IL1RAPL2: variants seen among roughly 807,000 people sequenced by gnomAD.
IL1RAPL2 encodes the protein interleukin 1 receptor accessory protein like 2.
A neutral mutation model predicts 44.1 loss-of-function variants in IL1RAPL2; 3 were observed. The ratio of observed to expected loss-of-function variants is 0.07; its 90% confidence interval spans 0.03 to 0.18. The LOEUF (loss-of-function observed/expected upper bound fraction) is 0.18, where lower values mean the gene tolerates loss of function less well. Among genes scored for constraint, IL1RAPL2 ranks in the 10% least tolerant of loss-of-function variants. IL1RAPL2 has a pLI of 1.00. For missense variants in IL1RAPL2, 391 were observed against 496.4 expected, an observed-to-expected ratio of 0.79 and a Z score of 2.02; for synonymous variants, 181 against 178.8, an observed-to-expected ratio of 1.01 and a Z score of -0.10.
chrX:104,789,650 A>G (rs1307213237), intron 2 of IL1RAPL2, among the ~76,000 whole-genome samples: 5 of 112,318 alleles, frequency 4.5e-5, no homozygotes, highest in Non-Finnish European at 7.5e-5. Context: ...ACCATAAGGG[A>G]GAAATATGCC....
At chrX:105,666,705 C>A (rs2037772953) in intron 6 of IL1RAPL2, among the ~76,000 whole-genome samples, 1 of 111,729 alleles carries the variant, frequency 9.0e-6, no homozygotes, top group African/African-American at 3.3e-5. Flanking sequence ...TGCCTTAACC[C>A]TAAAGAAGCC....
intron 1 of IL1RAPL2, among the ~76,000 whole-genome samples, chrX:104,576,419 G>A (rs981796451): frequency 8.9e-6 from 1 of 111,967 alleles, no homozygotes; most frequent in African/African-American, 3.2e-5. Flanking sequence ...TAAAGCTTCA[G>A]ATGGAGCCAT....
At position 104,861,728 on chromosome X, in the gene IL1RAPL2, A is replaced by C. The variant is rs982518450; in HGVS notation, c.82+202733A>C. ...TAGTATTTGCATATAACCCATGTAT[A>C]TCTCCCTGTGTACTTTAAGTCATCT... On this transcript the variant is annotated intron_variant, in intron 2 of 10. Transcript: ENST00000372582. Among the ~76,000 whole-genome samples, 44 of 111,820 alleles carry C rather than the reference A, an allele frequency of 3.9e-4. 1 individual carries two copies. Among genetic ancestry groups the C allele is most frequent in the Admixed American group, 3.7e-3 (39 of 10,512 alleles).
chrX:105,494,898 C>CGG (rs1224807969), intron 6 of IL1RAPL2, among the ~76,000 whole-genome samples: 3 of 111,852 alleles, frequency 2.7e-5, no homozygotes, highest in Non-Finnish European at 3.8e-5. Context: ...AAAAAATACT[C>CGG]AGAGATCTGT....
At chrX:105,420,453 C>A (rs988230218) in intron 5 of IL1RAPL2, among the ~76,000 whole-genome samples, 1 of 111,690 alleles carries the variant, frequency 9.0e-6, no homozygotes, top group African/African-American at 3.3e-5. Flanking sequence ...AAACTTCTCC[C>A]CAATATTGTG....
chrX:105,261,030 G>GTA lies in IL1RAPL2; in HGVS notation c.544-6353_544-6352dup, dbSNP rs1217863113. Among the ~76,000 whole-genome samples, 39 of 111,414 alleles carry GTA rather than the reference G, an allele frequency of 3.5e-4. 1 individual carries two copies. Among genetic ancestry groups the GTA allele is most frequent in the African/African-American group, 1.3e-3 (38 of 30,357 alleles). On this transcript the variant is annotated intron_variant, in intron 4 of 10. Coordinates refer to ENST00000372582, the MANE Select transcript of IL1RAPL2 (RefSeq NM_017416.2). ...CAGCTACCCTTTCTGGAAAGCCCAA[G>GTA]TATATAAGACTCCAGGGTCTCCTCA... is the stretch of plus-strand genomic sequence containing the variant.
rs752207171 is a variant in IL1RAPL2, at chrX:104,886,007, CA to C, written c.82+227013del. ...TCACTGAGGCCTGGGTATGTTTAACCATTGAGGGCCAGGAAATTGACTTCCT... is the reference window on the plus strand; with the variant it reads ...TCACTGAGGCCTGGGTATGTTTAACCTTGAGGGCCAGGAAATTGACTTCCT... On this transcript the variant is annotated intron_variant, in intron 2 of 10. Coordinates refer to ENST00000372582, the MANE Select transcript of IL1RAPL2 (RefSeq NM_017416.2). Among the ~76,000 whole-genome samples, 3 of 112,606 alleles carry C rather than the reference CA, an allele frequency of 2.7e-5. No individual in the cohort carries two copies. The Admixed American group carries it at 2.8e-4, about 11-fold the overall frequency.
rs780080992 is a variant in IL1RAPL2, at chrX:104,929,025, T to C, written c.83-266450T>C. ...GGTATGTCAGGAAAAGATAATTTGT[T>C]CTTAAAATTTTACTAGAAAGAAAAG... On this transcript the variant is annotated intron_variant, in intron 2 of 10. Coordinates refer to ENST00000372582, the MANE Select transcript of IL1RAPL2 (RefSeq NM_017416.2). 2.7e-4 allele frequency among the ~76,000 whole-genome samples: 30 copies of C among 111,894 alleles called. No individual in the cohort carries two copies. The South Asian group carries it at 0.011, about 42-fold the overall frequency.
intron 2 of IL1RAPL2, among the ~76,000 whole-genome samples, chrX:104,748,869 C>T (rs1236574802): frequency 1.8e-5 from 2 of 111,275 alleles, no homozygotes; most frequent in East Asian, 5.7e-4. Context: ...GTGGCTTATT[C>T]AGCAGTGATT....
intron 4 of IL1RAPL2, among the ~76,000 whole-genome samples, chrX:105,247,706 T>C (rs1406002486): frequency 9.4e-6 from 1 of 105,843 alleles, no homozygotes; most frequent in African/African-American, 3.5e-5. Flanking sequence ...TAATATAAAG[T>C]TAGTTTCATC....
At chrX:105,238,705 A>C (rs1474748373) in intron 4 of IL1RAPL2, among the ~76,000 whole-genome samples, 1 of 111,363 alleles carries the variant, frequency 9.0e-6, no homozygotes. Flanking sequence ...AGCTGAGTCC[A>C]AAACAATGGC....
chrX:105,164,614 A>C (rs2033356166), intron 2 of IL1RAPL2, among the ~76,000 whole-genome samples: 1 of 112,161 alleles, frequency 8.9e-6, no homozygotes, highest in Admixed American at 9.5e-5. Flanking sequence ...GGGGCTCCTG[A>C]CTTAACCATA....
At chrX:105,382,683 C>T (rs1307769228) in intron 5 of IL1RAPL2, among the ~76,000 whole-genome samples, 10 of 105,216 alleles carry the variant, frequency 9.5e-5, no homozygotes, top group Admixed American at 4.0e-4. Context: ...ATGTTTATTG[C>T]GGCACTATTC....
chrX:105,261,000 A>G (rs758412257), intron 4 of IL1RAPL2, among the ~76,000 whole-genome samples: 13 of 111,900 alleles, frequency 1.2e-4, no homozygotes, highest in African/African-American at 4.2e-4. Context: ...ACTTTGCCAG[A>G]GCTGCAGCTA....
At chrX:105,499,786 G>T (rs1172913457) in intron 6 of IL1RAPL2, among the ~76,000 whole-genome samples, 1 of 111,828 alleles carries the variant, frequency 8.9e-6, no homozygotes, top group Non-Finnish European at 1.9e-5. Flanking sequence ...AAATCAGAAA[G>T]CTTGTGCACC....
chrX:105,508,171 C>A (rs2036444414), intron 6 of IL1RAPL2, among the ~76,000 whole-genome samples: 1 of 111,071 alleles, frequency 9.0e-6, no homozygotes, highest in Non-Finnish European at 1.9e-5. Context: ...TCTCCCTGAG[C>A]ACAAAAGAGA....
chrX:104,911,007 A>G (rs1602809751), intron 2 of IL1RAPL2, among the ~76,000 whole-genome samples: 1 of 112,176 alleles, frequency 8.9e-6, no homozygotes, highest in Non-Finnish European at 1.9e-5. Context: ...ATATGAAGCA[A>G]CCAACTTTAT....
At chrX:105,325,070 T>C in intron 5 of IL1RAPL2, among the ~76,000 whole-genome samples, 1 of 112,012 alleles carries the variant, frequency 8.9e-6, no homozygotes, top group South Asian at 3.7e-4. Flanking sequence ...ATAACATTTG[T>C]TTCAAGTGTA....
At chrX:105,749,215 C>T (rs1179857953) in intron 9 of IL1RAPL2, 112 bp downstream of exon 9, 1 of 694,706 alleles carries the variant, frequency 1.4e-6, no homozygotes, top group Non-Finnish European at 2.1e-6. Context: ...GGGTAAAGGG[C>T]TATGGCAAGT....
Sources: gnomAD v4.1 joint callset for allele counts (sites outside exome capture counted in the v4.1 genomes callset) on GRCh38, gnomAD v4.1.1 for gene constraint, MANE v1.5 for transcripts, NCBI Gene and HGNC (gene_info 2026-07-23, HGNC 2026-07-21) for gene names.